Variants in RC3H1 observed in about 807,000 individuals in gnomAD.
The protein encoded by RC3H1 is roquin-1.
In RC3H1, 50 loss-of-function variants were observed where a neutral mutation model predicts 138.2. That is an observed-to-expected ratio of 0.36 (90% CI 0.29 to 0.46). The LOEUF (loss-of-function observed/expected upper bound fraction) is 0.46, where lower values mean the gene tolerates loss of function less well. RC3H1 is among the 20% of genes least tolerant of loss of function. The probability of loss-of-function intolerance (pLI) is 1.00; values close to 1 mark genes in which losing one functional copy is unlikely to be tolerated. For synonymous variants in RC3H1, 462 were observed against 489.1 expected (o/e 0.94, Z 0.73); for missense variants, 1,031 against 1,388.1 (o/e 0.74, Z 4.09).
chr1:173,945,639 C>G (rs1408529530), intron 17 of RC3H1, among the ~76,000 whole-genome samples: 1 of 151,980 alleles, frequency 6.6e-6, no homozygotes, highest in Non-Finnish European at 1.5e-5. Context: ...TTAAATGGTA[C>G]AGAACTACGT....
In RC3H1 at chr1:173,993,136, C is replaced by A; in HGVS notation, c.-150-1G>T. On this transcript the variant is annotated splice_acceptor_variant, in intron 1 of 19. Coordinates refer to ENST00000367696, the MANE Select transcript of RC3H1 (RefSeq NM_172071.4). LOFTEE classifies it low-confidence loss of function (5UTR_SPLICE). Reference sequence around the variant, plus strand: ...GTCAGCACATAGTGTGAAATATAACCTGAAAATAAAGAAAAAGGAAAAAAA... The same window carrying A: ...GTCAGCACATAGTGTGAAATATAACATGAAAATAAAGAAAAAGGAAAAAAA... 3.3e-6 allele frequency: 2 copies of A among 605,166 alleles called. No homozygotes were observed. The highest frequency in any genetic ancestry group is 5.8e-6 in the Non-Finnish European group (2 of 346,292). 37.5% of individuals were successfully genotyped at this position (605,166 alleles called of 1,614,324 possible).
At chr1:173,945,341 G>T (rs947763197) in intron 17 of RC3H1, among the ~76,000 whole-genome samples, 1 of 152,078 alleles carries the variant, frequency 6.6e-6, no homozygotes, top group East Asian at 1.9e-4. Context: ...GCCCAGGCTG[G>T]TCTCAAACTC....
chr1:173,964,103 T>C lies in RC3H1; in HGVS notation c.1701A>G (p.Pro567=). 2 of 1,614,026 alleles carry C rather than the reference T, an allele frequency of 1.2e-6. No individual in the cohort carries two copies. Among genetic ancestry groups the C allele is most frequent in the Middle Eastern group, 1.6e-4 (1 of 6,084 alleles). The part of the protein sequence containing the change: ...IPPRGPADLP[P]MPVTKPLQMV... ...TCTGAAGTGGTTTGGTAACAGGCAT[T>C]GGAGGCAGATCTGCTGGCCCCCTTG... is the stretch of plus-strand genomic sequence containing the variant. Residue 567 remains proline, a synonymous_variant, in exon 11 of 20, where the codon CCA becomes CCG. Transcript: ENST00000367696.
chr1:174,012,518 T>C (rs940529390), intron 1 of RC3H1, among the ~76,000 whole-genome samples: 1 of 152,004 alleles, frequency 6.6e-6, no homozygotes, highest in African/African-American at 2.4e-5. Context: ...GCACAGTGGC[T>C]CACACCTGTA....
intron 17 of RC3H1, among the ~76,000 whole-genome samples, chr1:173,944,135 T>C (rs1358233183): frequency 1.4e-5 from 2 of 144,510 alleles, no homozygotes; most frequent in Non-Finnish European, 3.0e-5. Context: ...CTGCACTCCA[T>C]GCACTCCAGC....
At position 173,937,468 on chromosome 1, in the gene RC3H1, CTTAG is replaced by C. The variant is rs756034658; in HGVS notation, c.*1249_*1252del. 10 of 151,204 alleles carry C rather than the reference CTTAG, an allele frequency of 6.6e-5. No homozygotes were observed. The highest frequency in any genetic ancestry group is 8.8e-5 in the Non-Finnish European group (6 of 67,854). 9.4% of individuals were successfully genotyped at this position (151,204 alleles called of 1,614,324 possible). On this transcript the variant is annotated 3_prime_UTR_variant, in exon 20 of 20. Transcript: ENST00000367696. The stretch of plus-strand genomic sequence containing the variant: ...CCCCACTAAACACGTTTTATAGGGT[CTTAG>C]TTAATTAAGCACAGACACATGGCAT...
chr1:173,980,515 AC>A (rs1477790007), intron 6 of RC3H1, among the ~76,000 whole-genome samples: 1 of 151,996 alleles, frequency 6.6e-6, no homozygotes, highest in African/African-American at 2.4e-5. Context: ...GGTTACTCTT[AC>A]TATTTGACTC....
At chr1:173,947,738 T>C (rs907387614) in intron 14 of RC3H1, among the ~76,000 whole-genome samples, 156 bp from the exon 15 acceptor site, 3 of 152,048 alleles carry the variant, frequency 2.0e-5, no homozygotes, top group African/African-American at 7.2e-5. Flanking sequence ...GTAACACTGG[T>C]TTTTAAACCT....
Position 173,996,239 on chromosome 1 carries a change from T to A in RC3H1, c.-150-3104A>T, listed in dbSNP as rs567472737. 2.6e-5 allele frequency among the ~76,000 whole-genome samples: 4 copies of A among 151,794 alleles called. No individual in the cohort carries two copies. In the East Asian group the frequency reaches 7.7e-4, roughly 29 times the overall value. On this transcript the variant is annotated intron_variant, in intron 1 of 19. Coordinates refer to ENST00000367696, the MANE Select transcript of RC3H1 (RefSeq NM_172071.4). ...GTTGCACTCTAGATAAACAGAGACA[T>A]ACCAGTGCTATGAAAATGTATGGAA...
At chr1:173,981,867 T>G (rs1235504912) in intron 5 of RC3H1, among the ~76,000 whole-genome samples, 3 of 151,586 alleles carry the variant, frequency 2.0e-5, no homozygotes, top group Non-Finnish European at 4.4e-5. Flanking sequence ...ACCACTGCAC[T>G]CCAGCCTGGG....
intron 1 of RC3H1, among the ~76,000 whole-genome samples, chr1:174,002,725 C>T (rs1661583492): frequency 6.6e-6 from 1 of 152,146 alleles, no homozygotes; most frequent in Non-Finnish European, 1.5e-5. Flanking sequence ...AAAGTTACTC[C>T]TACAAAAGCT....
intron 9 of RC3H1, among the ~76,000 whole-genome samples, chr1:173,967,241 A>T (rs962146538): frequency 6.6e-6 from 1 of 152,070 alleles, no homozygotes; most frequent in African/African-American, 2.4e-5. Flanking sequence ...GGATCATTGG[A>T]GCCTGGAAGT....
chr1:174,016,016 C>T (rs568131752), intron 1 of RC3H1: 8 of 152,078 alleles, frequency 5.3e-5, no homozygotes, highest in Admixed American at 5.2e-4. Flanking sequence ...GCCTGGCTAA[C>T]GTGGTGAAAT....
chr1:174,005,957 G>A (rs1408524508), intron 1 of RC3H1, among the ~76,000 whole-genome samples: 2 of 152,132 alleles, frequency 1.3e-5, no homozygotes, highest in Non-Finnish European at 2.9e-5. Context: ...TGTAATCCCA[G>A]CACTTTGGAA....
intron 9 of RC3H1, among the ~76,000 whole-genome samples, 197 bp downstream of exon 9, chr1:173,970,308 T>C (rs1421969762): frequency 6.6e-6 from 1 of 152,258 alleles, no homozygotes; most frequent in Non-Finnish European, 1.5e-5. Flanking sequence ...TTTCAACTTG[T>C]GGTGTCAAGT....
At chr1:174,010,918 T>C (rs1370676170) in intron 1 of RC3H1, among the ~76,000 whole-genome samples, 1 of 152,160 alleles carries the variant, frequency 6.6e-6, no homozygotes, top group Non-Finnish European at 1.5e-5. Flanking sequence ...ACTTAAAGCT[T>C]TTCATCTTAA....
chr1:173,962,071 TGTG>T lies in RC3H1; in HGVS notation c.1853_1855del (p.Pro618del). 6.2e-7 allele frequency: 1 copy of T among 1,613,440 alleles called. No homozygotes were observed. The highest frequency in any genetic ancestry group is 2.2e-5 in the East Asian group (1 of 44,872). On this transcript the variant is annotated inframe_deletion, in exon 12 of 20. Coordinates refer to ENST00000367696, the MANE Select transcript of RC3H1 (RefSeq NM_172071.4). Reference sequence around the variant, plus strand: ...AGGTCGGACAAAGCGGGACACACATTGTGGTGGTGGAGTATAATACATACCTGC... The same window carrying T: ...AGGTCGGACAAAGCGGGACACACATTGTGGTGGAGTATAATACATACCTGC...
At chr1:173,981,214 A>G (rs1216990474) in intron 5 of RC3H1, among the ~76,000 whole-genome samples, 1 of 152,240 alleles carries the variant, frequency 6.6e-6, no homozygotes, top group Non-Finnish European at 1.5e-5. Context: ...ATTTAGGCCA[A>G]CATTTTCTGG....
intron 9 of RC3H1, 151 bp downstream of exon 9, chr1:173,970,354 A>C (rs1304630813): frequency 3.6e-6 from 2 of 556,946 alleles, no homozygotes; most frequent in Non-Finnish European, 3.1e-6. Flanking sequence ...GAAGCATTTC[A>C]GATTTTCAGA....
Sources: allele counts gnomAD v4.1 joint callset (sites outside exome capture counted in the v4.1 genomes callset), GRCh38; gene constraint gnomAD v4.1.1; transcripts MANE v1.5; gene names NCBI Gene and HGNC (gene_info 2026-07-23, HGNC 2026-07-21).